The following TMEM132D variants were observed in gnomAD, a reference collection of about 807,000 sequenced individuals.
TMEM132D encodes mature OL transmembrane protein.
In TMEM132D, 21 loss-of-function variants were observed where a neutral mutation model predicts 62.3. That is an observed-to-expected ratio of 0.34 (90% CI 0.24 to 0.49). The LOEUF is 0.49. Among genes scored for constraint, TMEM132D ranks in the 20% least tolerant of loss-of-function variants. The probability of loss-of-function intolerance (pLI) is 0.99; values close to 1 mark genes in which losing one functional copy is unlikely to be tolerated. For synonymous variants in TMEM132D, 621 were observed against 575.6 expected (o/e 1.08, Z -1.13); for missense variants, 1,346 against 1,402.8 (o/e 0.96, Z 0.65).
At chr12:129,429,917 C>A (rs11060340) in intron 3 of TMEM132D, among the ~76,000 whole-genome samples, 44,552 of 151,562 alleles carry the variant, frequency 0.29, 7,487 homozygotes, top group East Asian at 0.48. Flanking sequence ...TGAACTCATC[C>A]TTTTTTATGG....
chr12:129,795,769 C>T (rs936046087), intron 1 of TMEM132D, among the ~76,000 whole-genome samples: 8 of 152,112 alleles, frequency 5.3e-5, no homozygotes, highest in African/African-American at 1.9e-4. Flanking sequence ...CTTAATATGA[C>T]ATCATTCTTA....
At position 129,739,454 on chromosome 12, in the gene TMEM132D, G is replaced by A. The variant is rs566272066; in HGVS notation, c.80-38756C>T. Among the ~76,000 whole-genome samples, 33 of 152,278 alleles carry A rather than the reference G, an allele frequency of 2.2e-4. No individual in the cohort carries two copies. The South Asian group carries it at 4.8e-3, about 22-fold the overall frequency. On this transcript the variant is annotated intron_variant, in intron 1 of 8. Coordinates refer to ENST00000422113, the MANE Select transcript of TMEM132D (RefSeq NM_133448.3). ...GCAAGACAAGAACAGATGGATGCAC[G>A]CTGGCCTACCTCAGCTTCTCTTCTG...
At chr12:129,331,466 C>A (rs1458918682) in intron 4 of TMEM132D, among the ~76,000 whole-genome samples, 2 of 152,106 alleles carry the variant, frequency 1.3e-5, no homozygotes, top group Non-Finnish European at 2.9e-5. Context: ...AGTTTCAGAT[C>A]CATTCTAATA....
chr12:129,718,436 G>A (rs1868677303), intron 1 of TMEM132D, among the ~76,000 whole-genome samples: 1 of 152,224 alleles, frequency 6.6e-6, no homozygotes, highest in African/African-American at 2.4e-5. Flanking sequence ...TACCATGAAA[G>A]CTTTCTTCCC....
At chr12:129,680,137 G>A (rs1880741267) in intron 2 of TMEM132D, among the ~76,000 whole-genome samples, 1 of 152,156 alleles carries the variant, frequency 6.6e-6, no homozygotes, top group African/African-American at 2.4e-5. Flanking sequence ...AACTCTGTGT[G>A]TGCCCATGTG....
intron 1 of TMEM132D, among the ~76,000 whole-genome samples, chr12:129,828,856 A>G (rs1872746317): frequency 6.8e-6 from 1 of 147,622 alleles, no homozygotes; most frequent in Non-Finnish European, 1.5e-5. Flanking sequence ...GGTATCCTCT[A>G]GAGGAAAAAA....
At chr12:129,848,497 C>T (rs770377793) in intron 1 of TMEM132D, among the ~76,000 whole-genome samples, 2 of 152,236 alleles carry the variant, frequency 1.3e-5, no homozygotes, top group South Asian at 2.1e-4. Context: ...CAAAAAGACA[C>T]GTTTTCCAAT....
At chr12:129,344,332 C>G (rs2135664011) in intron 3 of TMEM132D, among the ~76,000 whole-genome samples, 2 of 152,254 alleles carry the variant, frequency 1.3e-5, no homozygotes, top group Middle Eastern at 3.4e-3. Flanking sequence ...GGTCCTGTAA[C>G]CTACTTCTGG....
intron 5 of TMEM132D, among the ~76,000 whole-genome samples, chr12:129,148,640 AGAT>A (rs1876981287): frequency 6.6e-6 from 1 of 152,194 alleles, no homozygotes; most frequent in Non-Finnish European, 1.5e-5. Flanking sequence ...CAGATCTCTA[AGAT>A]GATAACTTTG....
chr12:129,706,223 TA>T (rs1881503985), intron 1 of TMEM132D, among the ~76,000 whole-genome samples: 1 of 151,976 alleles, frequency 6.6e-6, no homozygotes, highest in South Asian at 2.1e-4. Flanking sequence ...AAAAAAAAGT[TA>T]AGCTATAAAT....
In TMEM132D at chr12:129,084,521, C is replaced by T. The variant is rs2135619460; in HGVS notation, c.1625G>A (p.Arg542Lys). The T allele has an allele frequency of 6.2e-7, 1 of 1,608,310 alleles. No homozygotes were observed. The change falls in exon 6 of 9, where the codon AGA (arginine) becomes AAA (lysine). Residue 542 changes from arginine to lysine, a missense_variant. By Grantham distance (26) the Arg-to-Lys change is conservative (BLOSUM62 2). Coordinates refer to ENST00000422113, the MANE Select transcript of TMEM132D (RefSeq NM_133448.3). ...DTELNQIKGW[R>K]VPIVSSRRPA... ...CCTCCTGCTGGAGACGATGGGCACTCTCCAACCCTTGATCTGATTGAGCTC... is the reference window on the plus strand; with the variant it reads ...CCTCCTGCTGGAGACGATGGGCACTTTCCAACCCTTGATCTGATTGAGCTC...
rs530249232 is a variant in TMEM132D at position 129,732,645 on chromosome 12, G to C, written c.80-31947C>G. On this transcript the variant is annotated intron_variant, in intron 1 of 8. Coordinates refer to ENST00000422113, the MANE Select transcript of TMEM132D (RefSeq NM_133448.3). ...CCACAAGGTGTAAATGCTCCCTGAG[G>C]CCTCCCCAGAAGCAAATGCTGGTGT... Among the ~76,000 whole-genome samples the C allele has an allele frequency of 1.2e-3, 183 of 152,246 alleles. 1 individual carries two copies. Among genetic ancestry groups the C allele is most frequent in the African/African-American group, 4.2e-3 (176 of 41,534 alleles).
At chr12:129,541,951 AAAAC>A (rs1461824844) in intron 2 of TMEM132D, among the ~76,000 whole-genome samples, 49 of 152,232 alleles carry the variant, frequency 3.2e-4, no homozygotes, top group Non-Finnish European at 6.3e-4. Flanking sequence ...ACTCTTCTTA[AAAAC>A]AAACAAACAA....
chr12:129,424,165 G>T (rs1593374091), intron 3 of TMEM132D, among the ~76,000 whole-genome samples: 1 of 150,070 alleles, frequency 6.7e-6, no homozygotes, highest in African/African-American at 2.5e-5. Flanking sequence ...CTGTATGGAT[G>T]ATTTACTTTC....
chr12:129,477,768 C>T (rs1205430738), intron 3 of TMEM132D, among the ~76,000 whole-genome samples: 1 of 151,790 alleles, frequency 6.6e-6, no homozygotes, highest in Non-Finnish European at 1.5e-5. Flanking sequence ...TTGCAGTGAG[C>T]CAAGATCACA....
chr12:129,236,104 T>TG lies in TMEM132D; in HGVS notation c.1300-26442_1300-26441insC, dbSNP rs1879773089. On this transcript the variant is annotated intron_variant, in intron 4 of 8. Transcript: ENST00000422113. ...CAAATAATTTTATTATGATGCTATTTTGTGTGTGTGTGTGTGTGTGTGTGT... is the reference window on the plus strand; with the variant it reads ...CAAATAATTTTATTATGATGCTATTTGTGTGTGTGTGTGTGTGTGTGTGTGT... Among the ~76,000 whole-genome samples the TG allele has an allele frequency of 4.3e-3, 635 of 146,894 alleles. 9 individuals are homozygous for TG. The highest frequency in any genetic ancestry group is 0.015 in the African/African-American group (616 of 39,852).
intron 1 of TMEM132D, among the ~76,000 whole-genome samples, chr12:129,773,967 G>T (rs1411381800): frequency 5.3e-5 from 8 of 152,132 alleles, no homozygotes; most frequent in Non-Finnish European, 8.8e-5. Context: ...TATAAACCTG[G>T]TCCTTGGTAC....
chr12:129,320,431 G>A (rs1868661393), intron 4 of TMEM132D, among the ~76,000 whole-genome samples: 2 of 152,168 alleles, frequency 1.3e-5, no homozygotes, highest in Non-Finnish European at 2.9e-5. Flanking sequence ...CTGTGCAGGA[G>A]ACTACTGTGA....
intron 5 of TMEM132D, among the ~76,000 whole-genome samples, chr12:129,147,975 G>T (rs561298953): frequency 6.6e-6 from 1 of 152,190 alleles, no homozygotes; most frequent in Admixed American, 6.5e-5. Flanking sequence ...GTTGGCCATG[G>T]GCACCTGCAG....
Sources: allele counts gnomAD v4.1 joint callset (sites outside exome capture counted in the v4.1 genomes callset), GRCh38; gene constraint gnomAD v4.1.1; transcripts MANE v1.5; gene names NCBI Gene and HGNC (gene_info 2026-07-23, HGNC 2026-07-21).